Variants in CRB1 observed in about 807,000 individuals in gnomAD.
CRB1 encodes protein crumbs homolog 1.
Under a neutral mutation model 120.0 loss-of-function variants are expected in CRB1, and 83 were observed. The ratio of observed to expected loss-of-function variants is 0.69; its 90% CI spans 0.58 to 0.83. The LOEUF (loss-of-function observed/expected upper bound fraction) is 0.83, where lower values mean the gene tolerates loss of function less well. Ranked by LOEUF, CRB1 falls within the 40% of genes least tolerant of loss-of-function variation. The pLI, the probability that CRB1 is intolerant of heterozygous loss-of-function variation, is 0.00. For missense variants in CRB1, 1,699 were observed against 1,687.6 expected (o/e 1.01, Z -0.12); for synonymous variants, 625 against 612.5 (o/e 1.02, Z -0.30).
At chr1:197,370,775 A>G (rs1341452016) in intron 5 of CRB1, among the ~76,000 whole-genome samples, 1 of 152,146 alleles carries the variant, frequency 6.6e-6, no homozygotes, top group Non-Finnish European at 1.5e-5. Flanking sequence ...TGGTTGCAAC[A>G]TTCTTCCTAC....
chr1:197,392,616 A>C (rs954161361), intron 5 of CRB1, among the ~76,000 whole-genome samples: 1 of 152,174 alleles, frequency 6.6e-6, no homozygotes, highest in Non-Finnish European at 1.5e-5. Context: ...AAAGAGAAAC[A>C]GGATAAATAT....
At chr1:197,378,572 C>A (rs1365333007) in intron 5 of CRB1, among the ~76,000 whole-genome samples, 2 of 152,158 alleles carry the variant, frequency 1.3e-5, no homozygotes, top group African/African-American at 4.8e-5. Context: ...CTCTAAGATG[C>A]AGCTATATAA....
chr1:197,427,121 G>A (rs192133375), intron 6 of CRB1, among the ~76,000 whole-genome samples: 194 of 152,210 alleles, frequency 1.3e-3, no homozygotes, highest in Non-Finnish European at 2.1e-4. Flanking sequence ...CCACCATTAA[G>A]GCCCATATTT....
intron 5 of CRB1, among the ~76,000 whole-genome samples, chr1:197,382,589 G>A (rs1662012098): frequency 6.6e-6 from 1 of 152,160 alleles, no homozygotes; most frequent in Non-Finnish European, 1.5e-5. Flanking sequence ...AAATCAGTCT[G>A]CTTTAAGTAT....
chr1:197,294,875 G>A (rs1448578130), intron 1 of CRB1, among the ~76,000 whole-genome samples: 1 of 152,066 alleles, frequency 6.6e-6, no homozygotes, highest in Non-Finnish European at 1.5e-5. Context: ...TTGGACACAG[G>A]AAGGGGAACA....
At chr1:197,418,816 G>A (rs1034808612) in intron 5 of CRB1, among the ~76,000 whole-genome samples, 1 of 152,094 alleles carries the variant, frequency 6.6e-6, no homozygotes, top group Non-Finnish European at 1.5e-5. Context: ...AATAAAACAG[G>A]CATTTTCCTT....
chr1:197,359,883 A>G (rs1660685189), intron 5 of CRB1, among the ~76,000 whole-genome samples: 1 of 152,062 alleles, frequency 6.6e-6, no homozygotes, highest in Admixed American at 6.5e-5. Context: ...CTTGTTTGAC[A>G]TCTGTTTGTC....
intron 11 of CRB1, among the ~76,000 whole-genome samples, chr1:197,454,955 T>C (rs899041938): frequency 5.9e-5 from 9 of 152,176 alleles, no homozygotes; most frequent in African/African-American, 2.2e-4. Flanking sequence ...ATCAGGTACA[T>C]AGCTTCGTAC....
intron 1 of CRB1, among the ~76,000 whole-genome samples, chr1:197,272,015 C>T (rs1019284163): frequency 1.3e-5 from 2 of 152,068 alleles, no homozygotes; most frequent in Non-Finnish European, 2.9e-5. Context: ...AAACCATTAG[C>T]AATTATTAAG....
chr1:197,459,330 A>G (rs1666421967), intron 11 of CRB1, among the ~76,000 whole-genome samples: 1 of 152,124 alleles, frequency 6.6e-6, no homozygotes, highest in Admixed American at 6.6e-5. Context: ...CTGACTAGAA[A>G]GGACCTACTT....
chr1:197,475,194 C>T (rs999999447), intron 11 of CRB1, among the ~76,000 whole-genome samples: 3 of 152,178 alleles, frequency 2.0e-5, no homozygotes, highest in Non-Finnish European at 4.4e-5. Flanking sequence ...TTCTAATGAT[C>T]TAATAGTACT....
chr1:197,428,592 T>G (rs1187417666), intron 7 of CRB1, among the ~76,000 whole-genome samples: 1 of 152,206 alleles, frequency 6.6e-6, no homozygotes, highest in African/African-American at 2.4e-5. Context: ...AACGCATTTC[T>G]GTGTGTTGAG....
Position 197,271,041 on chromosome 1 carries a change from T to C in CRB1, c.70+2559T>C, listed in dbSNP as rs142669612. Among the ~76,000 whole-genome samples the C allele has an allele frequency of 5.0e-4, 76 of 152,006 alleles. No individual in the cohort carries two copies. In the East Asian group the frequency reaches 0.015, roughly 30 times the overall value. The stretch of plus-strand genomic sequence containing the variant: ...AAGACCTCATTTCTACACACAAAAA[T>C]ATAAAAAATTAATGGGGCATCGTGG... On this transcript the variant is annotated intron_variant, in intron 1 of 11. Coordinates refer to ENST00000367400, the MANE Select transcript of CRB1 (RefSeq NM_201253.3).
intron 2 of CRB1, among the ~76,000 whole-genome samples, chr1:197,332,243 T>C (rs1289062599): frequency 6.6e-6 from 1 of 152,182 alleles, no homozygotes; most frequent in East Asian, 1.9e-4. Context: ...CACTTCACCT[T>C]ACAATGAATT....
intron 1 of CRB1, among the ~76,000 whole-genome samples, chr1:197,286,459 C>A (rs1386828316): frequency 6.6e-6 from 1 of 151,908 alleles, no homozygotes; most frequent in Non-Finnish European, 1.5e-5. Context: ...CACTAAACCA[C>A]CTATAGGTCT....
intron 5 of CRB1, among the ~76,000 whole-genome samples, chr1:197,399,407 A>G (rs1217372319): frequency 1.3e-5 from 2 of 152,176 alleles, no homozygotes; most frequent in Admixed American, 1.3e-4. Flanking sequence ...ACACTGTTGG[A>G]AAGAACATGG....
chr1:197,415,067 A>G (rs1357836839), intron 5 of CRB1, among the ~76,000 whole-genome samples: 1 of 152,200 alleles, frequency 6.6e-6, no homozygotes, highest in Non-Finnish European at 1.5e-5. Flanking sequence ...GAAACACATA[A>G]TCAAATTATT....
At chr1:197,291,149 T>C (rs746010117) in intron 1 of CRB1, among the ~76,000 whole-genome samples, 1 of 151,834 alleles carries the variant, frequency 6.6e-6, no homozygotes, top group Non-Finnish European at 1.5e-5. Context: ...AAAACTTAAT[T>C]AGTAATATTT....
At chr1:197,294,874 G>A (rs1656427492) in intron 1 of CRB1, among the ~76,000 whole-genome samples, 1 of 152,198 alleles carries the variant, frequency 6.6e-6, no homozygotes, top group African/African-American at 2.4e-5. Flanking sequence ...CTTGGACACA[G>A]GAAGGGGAAC....
Sources: gnomAD v4.1 joint callset for allele counts (sites outside exome capture counted in the v4.1 genomes callset) on GRCh38, gnomAD v4.1.1 for gene constraint, MANE v1.5 for transcripts, NCBI Gene and HGNC (gene_info 2026-07-23, HGNC 2026-07-21) for gene names.